PCDHGA10: variants seen among roughly 807,000 people sequenced by gnomAD.
PCDHGA10 encodes protocadherin gamma-A10.
In PCDHGA10, 42 loss-of-function variants were observed where a neutral mutation model predicts 59.5. The observed-to-expected ratio is 0.71, with a 90% CI of 0.55 to 0.91. The LOEUF is 0.91. Ranked by LOEUF, PCDHGA10 falls within the 40% of genes least tolerant of loss-of-function variation. The pLI is 0.00. For synonymous variants in PCDHGA10, 511 were observed against 517.2 expected (o/e 0.99, Z 0.16); for missense variants, 1,111 against 1,198.2 (o/e 0.93, Z 1.07).
Position 141,490,703 on chromosome 5 carries a change from G to GCCT in PCDHGA10, c.2437-4102_2437-4100dup. 6.2e-7 allele frequency: 1 copy of GCCT among 1,614,110 alleles called. No individual in the cohort carries two copies. The highest frequency in any genetic ancestry group is 8.5e-7 in the Non-Finnish European group (1 of 1,180,000). Reference sequence around the variant, plus strand: ...GATCCAGACACTGGGGATAATGCCCGCCTCACCTACTCCATTGTAGGAAAT... The same window carrying GCCT: ...GATCCAGACACTGGGGATAATGCCCGCCTCCTCACCTACTCCATTGTAGGAAAT... On this transcript the variant is annotated intron_variant, in intron 1 of 3. Transcript: ENST00000398610. This position sits in a 1 kb window ranked among gnomAD's most constrained non-coding sequence, Gnocchi z 5.4.
rs781229038 is a variant in PCDHGA10, at chr5:141,489,990, A to C, written c.2437-4817A>C. 1.2e-4 allele frequency: 194 copies of C among 1,614,138 alleles called. No individual in the cohort carries two copies. Among genetic ancestry groups the C allele is most frequent in the Non-Finnish European group, 1.6e-4 (188 of 1,180,038 alleles). Reference sequence around the variant, plus strand: ...TCCAATCCTCAGTTCTACGTGTGGGAATCCCAGAGAATGCACCCATTGGTA... The same window carrying C: ...TCCAATCCTCAGTTCTACGTGTGGGCATCCCAGAGAATGCACCCATTGGTA... On this transcript the variant is annotated intron_variant, in intron 1 of 3. Transcript: ENST00000398610. The surrounding 1 kb of genome is among the most constrained non-coding windows in gnomAD (Gnocchi z 4.5).
In PCDHGA10 at chr5:141,477,877, C is replaced by A; in HGVS notation, c.2437-16930C>A. 1 of 1,614,170 alleles carries A rather than the reference C, an allele frequency of 6.2e-7. No homozygotes were observed. The highest frequency in any genetic ancestry group is 8.5e-7 in the Non-Finnish European group (1 of 1,180,036). On this transcript the variant is annotated intron_variant, in intron 1 of 3. Transcript: ENST00000398610. This position sits in a 1 kb window ranked among gnomAD's most constrained non-coding sequence, Gnocchi z 4.9. The stretch of plus-strand genomic sequence containing the variant: ...TGCTGCCTCGAGGTACCTCAGCTGG[C>A]CACCTAGTGTCACGGGTGGTAGGCT...
Position 141,431,687 on chromosome 5 carries a change from G to A in PCDHGA10, c.2436+16076G>A. On this transcript the variant is annotated intron_variant, in intron 1 of 3. Transcript: ENST00000398610. This position sits in a 1 kb window ranked among gnomAD's most constrained non-coding sequence, Gnocchi z 4.8. ...ATCAACAATAGGGGAGTTGGACCAC[G>A]AGGAGTCAGGATTCTACCAGATGGA... The A allele has an allele frequency of 1.9e-6, 3 of 1,614,214 alleles. No homozygotes were observed. Among genetic ancestry groups the A allele is most frequent in the Middle Eastern group, 1.6e-4 (1 of 6,062 alleles).
chr5:141,490,399 C>T lies in PCDHGA10; in HGVS notation c.2437-4408C>T. The T allele has an allele frequency of 1.2e-6, 2 of 1,614,148 alleles. No homozygotes were observed. Among genetic ancestry groups the T allele is most frequent in the Non-Finnish European group, 1.7e-6 (2 of 1,180,016 alleles). On this transcript the variant is annotated intron_variant, in intron 1 of 3. Transcript: ENST00000398610. This position sits in a 1 kb window ranked among gnomAD's most constrained non-coding sequence, Gnocchi z 5.4. ...CTCAGGTAGAAATGGTGAAGTGAGC[C>T]TTGATATCTCTCCGGACCTGCCATT... is the stretch of plus-strand genomic sequence containing the variant.
intron 1 of PCDHGA10, among the ~76,000 whole-genome samples, chr5:141,424,944 A>G (rs958272371): frequency 2.6e-5 from 4 of 152,108 alleles, no homozygotes; most frequent in African/African-American, 9.7e-5. Context: ...CTCTCACATC[A>G]CTTCTAGGTA....
At chr5:141,452,082 T>C (rs924362905) in intron 1 of PCDHGA10, among the ~76,000 whole-genome samples, 6 of 152,358 alleles carry the variant, frequency 3.9e-5, no homozygotes, top group Admixed American at 6.5e-5. Flanking sequence ...GTTGGCATTA[T>C]ACAGTAAGAA....
chr5:141,460,961 ATGTGTGTG>A (rs35821115), intron 1 of PCDHGA10, among the ~76,000 whole-genome samples: 11 of 144,552 alleles, frequency 7.6e-5, no homozygotes, highest in South Asian at 2.2e-4. Context: ...GTATATATAT[ATGTGTGTG>A]TGTGTGTGTG....
Position 141,489,429 on chromosome 5 carries a change from G to A in PCDHGA10, c.2437-5378G>A. 1 of 1,614,140 alleles carries A rather than the reference G, an allele frequency of 6.2e-7. No individual in the cohort carries two copies. Among genetic ancestry groups the A allele is most frequent in the Non-Finnish European group, 8.5e-7 (1 of 1,180,036 alleles). ...AGATGACAGATCTGTTGAGCCGGCG[G>A]CTGCAATTGGGCTCTGAGGAGAATG... On this transcript the variant is annotated intron_variant, in intron 1 of 3. Transcript: ENST00000398610. The surrounding 1 kb of genome is among the most constrained non-coding windows in gnomAD (Gnocchi z 4.5).
At chr5:141,437,445 T>C (rs187869679) in intron 1 of PCDHGA10, among the ~76,000 whole-genome samples, 1 of 152,348 alleles carries the variant, frequency 6.6e-6, no homozygotes, top group East Asian at 1.9e-4. Flanking sequence ...CATAGGAATG[T>C]TGAGGAGACT....
chr5:141,415,654 A>G, intron 1 of PCDHGA10, 43 bp downstream of exon 1: 1 of 1,573,242 alleles, frequency 6.4e-7, no homozygotes. Flanking sequence ...AAAAAAAAAG[A>G]TTGGTTTTTA....
In PCDHGA10 at chr5:141,426,967, T is replaced by C. The variant is rs151241654; in HGVS notation, c.2436+11356T>C. 124 of 456,702 alleles carry C rather than the reference T, an allele frequency of 2.7e-4. 1 individual carries two copies. The highest frequency in any genetic ancestry group is 2.1e-3 in the African/African-American group (103 of 50,178). 28.3% of individuals were successfully genotyped at this position (456,702 alleles called of 1,614,324 possible). A position where few individuals can be genotyped will look rare whatever the true frequency, so the allele number is the denominator to read the frequency against. On this transcript the variant is annotated intron_variant, in intron 1 of 3. Coordinates refer to ENST00000398610, the MANE Select transcript of PCDHGA10 (RefSeq NM_018913.3). ...CCAACTGGCACTGCTGCAATTCAAA[T>C]TGAGGTCACTGATGCCAACGATAAT... is the stretch of plus-strand genomic sequence containing the variant.
In PCDHGA10 at chr5:141,477,850, G is replaced by C. The variant is rs2099420608; in HGVS notation, c.2437-16957G>C. On this transcript the variant is annotated intron_variant, in intron 1 of 3. Coordinates refer to ENST00000398610, the MANE Select transcript of PCDHGA10 (RefSeq NM_018913.3). The surrounding 1 kb of genome is among the most constrained non-coding windows in gnomAD (Gnocchi z 4.9). Reference sequence around the variant, plus strand: ...CTCGGCCAGGTGGGAGCTCGGTGGAGATGCTGCCTCGAGGTACCTCAGCTG... The same window carrying C: ...CTCGGCCAGGTGGGAGCTCGGTGGACATGCTGCCTCGAGGTACCTCAGCTG... 6.2e-6 allele frequency: 10 copies of C among 1,613,328 alleles called. No individual in the cohort carries two copies. Among genetic ancestry groups the C allele is most frequent in the Non-Finnish European group, 7.6e-6 (9 of 1,179,812 alleles).
At chr5:141,447,938 T>G in intron 1 of PCDHGA10, among the ~76,000 whole-genome samples, 1 of 151,870 alleles carries the variant, frequency 6.6e-6, no homozygotes, top group Admixed American at 6.6e-5. Flanking sequence ...ATACAAAAAT[T>G]AGCTGGGCAT....
At chr5:141,451,957 A>C (rs1019378263) in intron 1 of PCDHGA10, among the ~76,000 whole-genome samples, 3 of 152,202 alleles carry the variant, frequency 2.0e-5, no homozygotes, top group African/African-American at 7.2e-5. Context: ...AGAAAGTGAC[A>C]TACCATCATT....
At position 141,432,727 on chromosome 5, in the gene PCDHGA10, C is replaced by T; in HGVS notation, c.2436+17116C>T. 6.2e-7 allele frequency: 1 copy of T among 1,614,090 alleles called. No individual in the cohort carries two copies. Among genetic ancestry groups the T allele is most frequent in the Non-Finnish European group, 8.5e-7 (1 of 1,179,996 alleles). ...ACCACGGCCAGCCCCCTCTCTCCGC[C>T]ACTGTCACGCTCACCGTGGCCGTGG... On this transcript the variant is annotated intron_variant, in intron 1 of 3. Transcript: ENST00000398610. The surrounding 1 kb of genome is among the most constrained non-coding windows in gnomAD (Gnocchi z 6.0).
chr5:141,474,358 C>A (rs189724264), intron 1 of PCDHGA10, among the ~76,000 whole-genome samples: 30 of 152,290 alleles, frequency 2.0e-4, no homozygotes, highest in African/African-American at 6.5e-4. Context: ...AGTCATGTCT[C>A]AGTAGGTCTA....
chr5:141,501,701 G>A (rs747266621), intron 2 of PCDHGA10, among the ~76,000 whole-genome samples: 3 of 151,984 alleles, frequency 2.0e-5, no homozygotes, highest in East Asian at 1.9e-4. Flanking sequence ...GGGTGATTCC[G>A]AGGATAAAAA....
Position 141,485,495 on chromosome 5 carries a change from T to C in PCDHGA10, c.2437-9312T>C. 1 of 1,613,494 alleles carries C rather than the reference T, an allele frequency of 6.2e-7. No homozygotes were observed. Among genetic ancestry groups the C allele is most frequent in the African/African-American group, 1.3e-5 (1 of 74,780 alleles). On this transcript the variant is annotated intron_variant, in intron 1 of 3. Coordinates refer to ENST00000398610, the MANE Select transcript of PCDHGA10 (RefSeq NM_018913.3). This position sits in a 1 kb window ranked among gnomAD's most constrained non-coding sequence, Gnocchi z 5.7. ...TGCCAGCTGCATCGTGCCCCTGGAG[T>C]TTGTCACCGAAGGTCCTTTGGAAAT...
In PCDHGA10 at chr5:141,419,425, C is replaced by T. The variant is rs3749766; in HGVS notation, c.2436+3814C>T. Reference sequence around the variant, plus strand: ...TGTTCGCGCAGCGCGCCTTCGACCACGAGCAGCTGCGCACCTTCGAGCTCA... The same window carrying T: ...TGTTCGCGCAGCGCGCCTTCGACCATGAGCAGCTGCGCACCTTCGAGCTCA... On this transcript the variant is annotated intron_variant, in intron 1 of 3. Transcript: ENST00000398610. 284 of 1,613,316 alleles carry T rather than the reference C, an allele frequency of 1.8e-4. 1 individual carries two copies. The East Asian group carries it at 5.9e-3, about 34-fold the overall frequency.
Sources: gnomAD v4.1 joint callset for allele counts (sites outside exome capture counted in the v4.1 genomes callset) on GRCh38, gnomAD v4.1.1 for gene constraint, Gnocchi (gnomAD v3.1) non-coding constraint, MANE v1.5 for transcripts, NCBI Gene and HGNC (gene_info 2026-07-23, HGNC 2026-07-21) for gene names.